Variants in DOCK1 observed in about 807,000 individuals in gnomAD.
DOCK1 encodes the protein dedicator of cytokinesis 1, also known as dedicator of cytokinesis protein 1.
In DOCK1, 138 loss-of-function variants were observed where a neutral mutation model predicts 262.7. The ratio of observed to expected loss-of-function variants is 0.53; its 90% confidence interval spans 0.46 to 0.61. The LOEUF (loss-of-function observed/expected upper bound fraction) is 0.61. Ranked by LOEUF, DOCK1 falls within the 20% of genes least tolerant of loss-of-function variation. The probability of loss-of-function intolerance (pLI) is 0.00; values close to 1 mark genes in which losing one functional copy is unlikely to be tolerated. For synonymous variants in DOCK1, 866 were observed against 867.4 expected (o/e 1.00, Z 0.03); for missense variants, 1,908 against 2,370.7 (o/e 0.80, Z 4.05).
intron 27 of DOCK1, among the ~76,000 whole-genome samples, chr10:127,205,297 C>G (rs1325973332): frequency 1.3e-5 from 2 of 152,162 alleles, no homozygotes; most frequent in Admixed American, 6.5e-5. Flanking sequence ...CATTTTCACT[C>G]TGGAGCTTTC....
In DOCK1 at chr10:127,285,792, T is replaced by C. The variant is rs57431135; in HGVS notation, c.3044+28363T>C. Among the ~76,000 whole-genome samples, 493 of 152,332 alleles carry C rather than the reference T, an allele frequency of 3.2e-3. 1 individual carries two copies. Among genetic ancestry groups the C allele is most frequent in the African/African-American group, 0.01 (426 of 41,578 alleles). ...CTCTTCAGAGTGTGCTTCCACAGTC[T>C]AACCCTCCTGCTTGACGACCTGTTA... On this transcript the variant is annotated intron_variant, in intron 29 of 51. Transcript: ENST00000623213.
intron 38 of DOCK1, among the ~76,000 whole-genome samples, chr10:127,395,985 G>A (rs2066806354): frequency 6.6e-6 from 1 of 152,324 alleles, no homozygotes; most frequent in Non-Finnish European, 1.5e-5. Flanking sequence ...TGCACACTGA[G>A]CAGTCCTGTG....
intron 27 of DOCK1, among the ~76,000 whole-genome samples, chr10:127,143,148 T>A (rs1424172218): frequency 6.6e-6 from 1 of 152,228 alleles, no homozygotes; most frequent in African/African-American, 2.4e-5. Flanking sequence ...TGTCACTGAA[T>A]CCTCAAGATA....
At chr10:127,418,690 T>G in intron 45 of DOCK1, 149 bp downstream of exon 45, 2 of 1,069,320 alleles carry the variant, frequency 1.9e-6, no homozygotes, top group Non-Finnish European at 1.3e-6. Context: ...CAGCAGCCAG[T>G]GGCGGCCCCT....
intron 27 of DOCK1, among the ~76,000 whole-genome samples, chr10:127,157,558 A>G (rs1484342252): frequency 1.3e-5 from 2 of 152,214 alleles, no homozygotes; most frequent in African/African-American, 4.8e-5. Flanking sequence ...TTTTATTTAC[A>G]ACCCAGCCCA....
chr10:127,362,909 C>CCACACACACACACACA, intron 33 of DOCK1, among the ~76,000 whole-genome samples: 1 of 90,576 alleles, frequency 1.1e-5, no homozygotes, highest in Non-Finnish European at 2.0e-5. Context: ...ATGTACATCT[C>CCACACACACACACACA]CACACACACA....
chr10:127,099,508 C>T (rs1004959214), intron 23 of DOCK1, among the ~76,000 whole-genome samples: 1 of 152,162 alleles, frequency 6.6e-6, no homozygotes, highest in South Asian at 2.1e-4. Context: ...GTGCAGTCAT[C>T]TGCTTCTGGT....
Position 127,403,040 on chromosome 10 carries a change from T to C in DOCK1, c.3928-15T>C. 1.2e-6 allele frequency: 2 copies of C among 1,601,106 alleles called. No homozygotes were observed. Among genetic ancestry groups the C allele is most frequent in the Non-Finnish European group, 1.7e-6 (2 of 1,174,676 alleles). ...GGCCTCGGCTTCTCTTTCTTTTCTT[T>C]ATTTTAACTCACAGATGTGGGAGGA... On this transcript the variant is annotated splice_polypyrimidine_tract_variant and intron_variant, in intron 38 of 51. Coordinates refer to ENST00000623213, the MANE Select transcript of DOCK1 (RefSeq NM_001290223.2).
chr10:127,158,445 A>G (rs1468872058), intron 27 of DOCK1, among the ~76,000 whole-genome samples: 2 of 152,206 alleles, frequency 1.3e-5, no homozygotes, highest in African/African-American at 4.8e-5. Context: ...TGTCTTGCAG[A>G]TTAATTGCTA....
rs912486932 is a variant in DOCK1, at chr10:126,957,352, A to G, written c.47-13350A>G. ...CACTGGGCTGCTGGCTCACCTGAAG[A>G]TGCCTTTGGCATGTGCAACTTCTCC... On this transcript the variant is annotated intron_variant, in intron 1 of 51. Coordinates refer to ENST00000623213, the MANE Select transcript of DOCK1 (RefSeq NM_001290223.2). Among the ~76,000 whole-genome samples, 45 of 152,264 alleles carry G rather than the reference A, an allele frequency of 3.0e-4. 5 individuals are homozygous for G. The East Asian group carries it at 3.5e-3, about 12-fold the overall frequency.
At chr10:127,017,775 T>C (rs1260443729) in intron 12 of DOCK1, among the ~76,000 whole-genome samples, 1 of 151,032 alleles carries the variant, frequency 6.6e-6, no homozygotes, top group Non-Finnish European at 1.5e-5. Flanking sequence ...TGGCTTATAG[T>C]GCCAGCCCCT....
chr10:126,952,630 TGTA>T (rs1246263191), intron 1 of DOCK1, among the ~76,000 whole-genome samples: 3 of 119,458 alleles, frequency 2.5e-5, no homozygotes, highest in South Asian at 3.0e-4. Flanking sequence ...TTGTTGGTGA[TGTA>T]GTATTGTTGG....
At chr10:127,134,587 G>C (rs1003750096) in intron 27 of DOCK1, among the ~76,000 whole-genome samples, 1 of 152,136 alleles carries the variant, frequency 6.6e-6, no homozygotes, top group Non-Finnish European at 1.5e-5. Flanking sequence ...CATTGTATCT[G>C]GGTGTCTGTA....
intron 29 of DOCK1, among the ~76,000 whole-genome samples, chr10:127,283,516 C>A (rs2061038644): frequency 6.6e-6 from 1 of 152,220 alleles, no homozygotes; most frequent in Non-Finnish European, 1.5e-5. Flanking sequence ...TATATCTTCT[C>A]TGAAAAATGA....
intron 29 of DOCK1, among the ~76,000 whole-genome samples, chr10:127,325,426 A>C: frequency 6.6e-6 from 1 of 152,164 alleles, no homozygotes; most frequent in East Asian, 1.9e-4. Context: ...TTTAATGGTT[A>C]CCACCTAGGA....
At chr10:127,365,214 CTG>C (rs1447601086) in intron 33 of DOCK1, among the ~76,000 whole-genome samples, 1 of 152,236 alleles carries the variant, frequency 6.6e-6, no homozygotes, top group Non-Finnish European at 1.5e-5. Context: ...CTGTGAATAA[CTG>C]TGCAGTGAAC....
chr10:127,005,889 G>A (rs768147989), intron 10 of DOCK1, among the ~76,000 whole-genome samples: 5 of 139,664 alleles, frequency 3.6e-5, no homozygotes, highest in African/African-American at 1.7e-4. Context: ...CAGTTCAGTA[G>A]TAAGTATGTT....
chr10:127,335,735 G>A (rs1205956906), intron 29 of DOCK1, among the ~76,000 whole-genome samples: 2 of 147,574 alleles, frequency 1.4e-5, no homozygotes, highest in Non-Finnish European at 3.0e-5. Flanking sequence ...TTTTTCTTGA[G>A]ATGGAGTCTC....
intron 48 of DOCK1, among the ~76,000 whole-genome samples, chr10:127,434,757 A>G (rs1311412315): frequency 6.6e-6 from 1 of 151,988 alleles, no homozygotes; most frequent in African/African-American, 2.4e-5. Context: ...GGTTCAAACA[A>G]TTCTTTTGCC....
Sources: gnomAD v4.1 joint callset for allele counts (sites outside exome capture counted in the v4.1 genomes callset) on GRCh38, gnomAD v4.1.1 for gene constraint, MANE v1.5 for transcripts, NCBI Gene and HGNC (gene_info 2026-07-23, HGNC 2026-07-21) for gene names.